BRINP3: variants seen among roughly 807,000 people sequenced by gnomAD.
BRINP3 encodes BMP/retinoic acid-inducible neural-specific protein 3.
In BRINP3, 19 loss-of-function variants were observed where a neutral mutation model predicts 71.0. The ratio of observed to expected loss-of-function variants is 0.27; its 90% CI spans 0.19 to 0.39. BRINP3 has a LOEUF of 0.39. Among genes scored for constraint, BRINP3 ranks in the 10% least tolerant of loss-of-function variants. BRINP3 has a pLI of 1.00. For synonymous variants in BRINP3, 380 were observed against 337.7 expected (o/e 1.13, Z -1.37); for missense variants, 959 against 940.8 (o/e 1.02, Z -0.25).
chr1:190,384,395 CT>C, intron 2 of BRINP3, among the ~76,000 whole-genome samples: 1 of 151,840 alleles, frequency 6.6e-6, no homozygotes, highest in Middle Eastern at 3.4e-3. Context: ...GAAAACTGAT[CT>C]ATATCAATGG....
At chr1:190,239,946 A>AATCCAAT (rs1658894612) in intron 4 of BRINP3, among the ~76,000 whole-genome samples, 1 of 151,750 alleles carries the variant, frequency 6.6e-6, no homozygotes, top group Non-Finnish European at 1.5e-5. Context: ...TTTATTTTAA[A>AATCCAAT]ATCCAATACA....
intron 1 of BRINP3, among the ~76,000 whole-genome samples, chr1:190,461,741 T>A (rs933729030): frequency 2.0e-5 from 3 of 152,096 alleles, no homozygotes; most frequent in Admixed American, 6.5e-5. Flanking sequence ...TTCATGGAAA[T>A]AGAATCTACA....
intron 2 of BRINP3, among the ~76,000 whole-genome samples, chr1:190,439,218 G>C (rs1333651536): frequency 6.6e-6 from 1 of 151,708 alleles, no homozygotes; most frequent in Admixed American, 6.6e-5. Flanking sequence ...CTTCCTAGGA[G>C]AGAAAAAAGT....
chr1:190,389,649 A>C (rs1430943977), intron 2 of BRINP3, among the ~76,000 whole-genome samples: 1 of 151,762 alleles, frequency 6.6e-6, no homozygotes, highest in Non-Finnish European at 1.5e-5. Context: ...TCAAATGATA[A>C]GCTTAAGGCA....
At chr1:190,260,465 T>C (rs1175134917) in intron 4 of BRINP3, among the ~76,000 whole-genome samples, 2 of 152,232 alleles carry the variant, frequency 1.3e-5, no homozygotes, top group East Asian at 1.9e-4. Flanking sequence ...TTCCTATAAA[T>C]GTAAAATATA....
intron 2 of BRINP3, among the ~76,000 whole-genome samples, chr1:190,378,181 G>A (rs1457768625): frequency 2.0e-5 from 3 of 152,078 alleles, no homozygotes; most frequent in Admixed American, 1.3e-4. Flanking sequence ...TGACAGTATT[G>A]TTTGTCTAGA....
chr1:190,442,906 CTTTT>C (rs757648847), intron 2 of BRINP3, among the ~76,000 whole-genome samples: 2 of 101,576 alleles, frequency 2.0e-5, no homozygotes, highest in Admixed American at 1.0e-4. Flanking sequence ...GTCTCTGTAT[CTTTT>C]TTTTTTTTTT....
intron 2 of BRINP3, among the ~76,000 whole-genome samples, chr1:190,357,413 T>C (rs1313066225): frequency 6.6e-6 from 1 of 152,048 alleles, no homozygotes; most frequent in Non-Finnish European, 1.5e-5. Context: ...CTACATGTGA[T>C]AGAAAATTTT....
chr1:190,355,690 A>T (rs1668681208), intron 2 of BRINP3, among the ~76,000 whole-genome samples: 1 of 151,946 alleles, frequency 6.6e-6, no homozygotes. Context: ...TCCTGGAAAT[A>T]ATTCATATAT....
chr1:190,148,689 G>A (rs959054283), intron 7 of BRINP3, among the ~76,000 whole-genome samples: 1 of 151,536 alleles, frequency 6.6e-6, no homozygotes, highest in African/African-American at 2.4e-5. Flanking sequence ...TACTGCATTA[G>A]CTTGTTTTAC....
chr1:190,199,190 T>C (rs754706282), intron 6 of BRINP3, among the ~76,000 whole-genome samples: 9 of 152,134 alleles, frequency 5.9e-5, no homozygotes, highest in Non-Finnish European at 8.8e-5. Context: ...TTTCCATCAT[T>C]CAATTACCTC....
Position 190,281,578 on chromosome 1 carries a change from G to C in BRINP3, c.409C>G (p.Leu137Val). ...GCCGTACCTCCCAGAGTAGCAGATA[G>C]CAAGAAATGTGTCCCATATTTCTTG... ...LIKKYGTHFL[L>V]SATLGGEESL... The change falls in exon 3 of 8, where the codon CTA becomes GTA. Residue 137 changes from leucine (L) to valine (V), a missense_variant. By Grantham distance (32) the Leu-to-Val change is conservative. Transcript: ENST00000367462. The C allele has an allele frequency of 6.2e-7, 1 of 1,612,514 alleles. No homozygotes were observed. The highest frequency in any genetic ancestry group is 8.5e-7 in the Non-Finnish European group (1 of 1,179,018).
intron 6 of BRINP3, among the ~76,000 whole-genome samples, chr1:190,178,881 G>T (rs1652790658): frequency 6.6e-6 from 1 of 152,020 alleles, no homozygotes; most frequent in African/African-American, 2.4e-5. Flanking sequence ...AAATTCAGTA[G>T]GTTTTATTTT....
chr1:190,433,807 T>C (rs1247751020), intron 2 of BRINP3, among the ~76,000 whole-genome samples: 1 of 152,212 alleles, frequency 6.6e-6, no homozygotes, highest in Non-Finnish European at 1.5e-5. Context: ...CTATAAGTTT[T>C]GGTCATGCTA....
chr1:190,425,739 G>C (rs1046840648), intron 2 of BRINP3, among the ~76,000 whole-genome samples: 2 of 151,792 alleles, frequency 1.3e-5, no homozygotes, highest in Non-Finnish European at 3.0e-5. Flanking sequence ...CAAAACCTTT[G>C]TTTGACCTTA....
In BRINP3 at chr1:190,346,921, T is replaced by C. The variant is rs190056004; in HGVS notation, c.237-65171A>G. Among the ~76,000 whole-genome samples the C allele has an allele frequency of 1.7e-3, 259 of 152,238 alleles. 1 individual carries two copies. Among genetic ancestry groups the C allele is most frequent in the African/African-American group, 5.9e-3 (247 of 41,562 alleles). ...TAAAAAGTGTCCTATATTTTTATGGTTGTTCTCTTAGTAACTAGTACTCAG... is the reference window on the plus strand; with the variant it reads ...TAAAAAGTGTCCTATATTTTTATGGCTGTTCTCTTAGTAACTAGTACTCAG... On this transcript the variant is annotated intron_variant, in intron 2 of 7. Coordinates refer to ENST00000367462, the MANE Select transcript of BRINP3 (RefSeq NM_199051.3).
intron 2 of BRINP3, among the ~76,000 whole-genome samples, chr1:190,431,942 A>C (rs1246265120): frequency 1.3e-5 from 2 of 152,166 alleles, no homozygotes; most frequent in Non-Finnish European, 1.5e-5. Context: ...ATTGTTTCTA[A>C]ACTTACGACC....
intron 7 of BRINP3, among the ~76,000 whole-genome samples, chr1:190,149,473 GATGAGGTTAT>G (rs1656192709): frequency 6.6e-6 from 1 of 152,142 alleles, no homozygotes; most frequent in South Asian, 2.1e-4. Flanking sequence ...CAGGAATTTA[GATGAGGTTAT>G]AAAAGAAAAA....
At chr1:190,290,893 TTG>T (rs145783281) in intron 2 of BRINP3, among the ~76,000 whole-genome samples, 120 of 150,836 alleles carry the variant, frequency 8.0e-4, no homozygotes, top group African/African-American at 2.6e-3. Flanking sequence ...CTGTGAGTGT[TTG>T]TGTGTGTGTG....
Sources: gnomAD v4.1 joint callset for allele counts (sites outside exome capture counted in the v4.1 genomes callset) on GRCh38, gnomAD v4.1.1 for gene constraint, MANE v1.5 for transcripts, NCBI Gene and HGNC (gene_info 2026-07-23, HGNC 2026-07-21) for gene names.